The following GBX1 variants were observed in gnomAD, a reference collection of about 807,000 sequenced individuals.
GBX1 encodes gastrulation brain homeobox 1.
A neutral mutation model predicts 22.9 loss-of-function variants in GBX1; 9 were observed. That is an observed-to-expected ratio of 0.39 (90% CI 0.24 to 0.69). The LOEUF (loss-of-function observed/expected upper bound fraction) is 0.69, where lower values mean the gene tolerates loss of function less well. Ranked by LOEUF, GBX1 falls within the 30% of genes least tolerant of loss-of-function variation. The pLI, the probability that GBX1 is intolerant of heterozygous loss-of-function variation, is 0.43. For missense variants in GBX1, 494 were observed against 509.2 expected (o/e 0.97, Z 0.29); for synonymous variants, 203 against 227.3 (o/e 0.89, Z 0.96).
intron 1 of GBX1, among the ~76,000 whole-genome samples, chr7:151,161,357 G>A (rs1801186487): frequency 6.6e-6 from 1 of 152,192 alleles, no homozygotes; most frequent in Admixed American, 6.5e-5. Context: ...AACCCCTGAA[G>A]GGTTACTTTC....
chr7:151,151,838 C>T (rs1563547525), intron 1 of GBX1, among the ~76,000 whole-genome samples: 1 of 152,190 alleles, frequency 6.6e-6, no homozygotes, highest in Admixed American at 6.5e-5. Context: ...TCCACCTGGC[C>T]CATGATTCCT....
At position 151,148,294 on chromosome 7, in the gene GBX1, C is replaced by T. The variant is rs1801036655; in HGVS notation, c.*295G>A. Among the ~76,000 whole-genome samples, 1 of 152,166 alleles carries T rather than the reference C, an allele frequency of 6.6e-6. No homozygotes were observed. The highest frequency in any genetic ancestry group is 2.4e-5 in the African/African-American group (1 of 41,424). On this transcript the variant is annotated 3_prime_UTR_variant, in exon 2 of 2. Coordinates refer to ENST00000297537, the MANE Select transcript of GBX1 (RefSeq NM_001098834.3). This position sits in a 1 kb window ranked among gnomAD's most constrained non-coding sequence, Gnocchi z 5.1. ...CAGGCCTTAGGCATCTTAGAACCCA[C>T]CCCCTCCCCAGGAGTCCACCTCAGT...
intron 1 of GBX1, among the ~76,000 whole-genome samples, chr7:151,160,175 C>T (rs1021535739): frequency 6.6e-6 from 1 of 152,086 alleles, no homozygotes; most frequent in Non-Finnish European, 1.5e-5. Context: ...TAATTCAAGC[C>T]CCTAATTTTA....
At chr7:151,149,946 C>T (rs1466423281) in intron 1 of GBX1, 2 of 456,040 alleles carry the variant, frequency 4.4e-6, no homozygotes, top group Non-Finnish European at 8.8e-6. Flanking sequence ...CCAAGGATGC[C>T]TGAGCAGCAC....
intron 1 of GBX1, among the ~76,000 whole-genome samples, chr7:151,156,133 T>C (rs146049706): frequency 0.011 from 1,617 of 152,108 alleles, 15 homozygotes; most frequent in Middle Eastern, 0.024. Context: ...CCTGTAATCC[T>C]AGCACTTTGG....
chr7:151,160,725 C>T (rs553762752), intron 1 of GBX1, among the ~76,000 whole-genome samples: 1 of 152,356 alleles, frequency 6.6e-6, no homozygotes, highest in East Asian at 1.9e-4. Flanking sequence ...ATCACCCTTT[C>T]TCTCAATTAG....
intron 1 of GBX1, among the ~76,000 whole-genome samples, chr7:151,160,523 ACCCTCATCTGAGTT>A (rs1461117506): frequency 6.6e-6 from 1 of 152,156 alleles, no homozygotes; most frequent in Admixed American, 6.6e-5. Context: ...TTTGCTTATA[ACCCTCATCTGAGTT>A]CCTATAGCCC....
At chr7:151,163,684 G>T (rs1801211542) in intron 1 of GBX1, among the ~76,000 whole-genome samples, 1 of 151,878 alleles carries the variant, frequency 6.6e-6, no homozygotes. Flanking sequence ...TTTTAATGTG[G>T]CTAATAAAAA....
rs541723003 is a variant in GBX1 at position 151,164,603 on chromosome 7, T to C, written c.538+2408A>G. On this transcript the variant is annotated intron_variant, in intron 1 of 1. Transcript: ENST00000297537. ...TTCTTCTGAAGTCTCTCCTCCTTAC[T>C]ACTGTGTCCCAGCCTCCCCACTATA... Among the ~76,000 whole-genome samples the C allele has an allele frequency of 2.6e-5, 4 of 152,278 alleles. No homozygotes were observed. The East Asian group carries it at 5.8e-4, about 22-fold the overall frequency.
chr7:151,152,018 C>T (rs1432316348), intron 1 of GBX1, among the ~76,000 whole-genome samples: 1 of 152,150 alleles, frequency 6.6e-6, no homozygotes, highest in Non-Finnish European at 1.5e-5. Context: ...GTCCATTTTA[C>T]CAATTTTATT....
chr7:151,149,156 G>A lies in GBX1; in HGVS notation c.539-14C>T, dbSNP rs1801049228. On this transcript the variant is annotated splice_polypyrimidine_tract_variant and intron_variant, in intron 1 of 1. Coordinates refer to ENST00000297537, the MANE Select transcript of GBX1 (RefSeq NM_001098834.3). ...CCTTCCCCTCTGCTGTGAGGAGCAA[G>A]AAGCCAATGGATGGGGAGGGAGAAG... 6.3e-7 allele frequency: 1 copy of A among 1,589,804 alleles called. No individual in the cohort carries two copies. Among genetic ancestry groups the A allele is most frequent in the East Asian group, 2.2e-5 (1 of 44,648 alleles).
chr7:151,167,323 G>T lies in GBX1; in HGVS notation c.226C>A (p.Leu76Ile). The T allele has an allele frequency of 6.6e-7, 1 of 1,520,620 alleles. No homozygotes were observed. The highest frequency in any genetic ancestry group is 1.3e-5 in the South Asian group (1 of 79,876). The allele number at this position is 1,520,620 out of a possible 1,614,324, so 94.2% of individuals were successfully genotyped here. A position where few individuals can be genotyped will look rare whatever the true frequency, so the allele number is the denominator to read the frequency against. Residue 76 changes from leucine (L) to isoleucine (I), a missense_variant, in exon 1 of 2, where the codon CTA (leucine) becomes ATA (isoleucine). By Grantham distance (5) the Leu-to-Ile change is conservative. This residue lies in a region of GBX1 where 365 missense variants were observed against 340.4 expected (regional missense o/e 1.07). Coordinates refer to ENST00000297537, the MANE Select transcript of GBX1 (RefSeq NM_001098834.3). The surrounding 1 kb of genome is among the most constrained non-coding windows in gnomAD (Gnocchi z 5.9). The stretch of plus-strand genomic sequence containing the variant: ...GTAAGGCGGCCGGCGAAAGAGGCTA[G>T]CGGGGCGAGGGGCGGGAGGCCAGCG... Reference protein sequence around the residue: ...LPAGLPPLAPLASFAGRLTNT... With the variant: ...LPAGLPPLAPIASFAGRLTNT...
chr7:151,150,035 GGGA>G (rs1563546451), intron 1 of GBX1: 35 of 423,868 alleles, frequency 8.3e-5, no homozygotes, highest in Admixed American at 1.9e-4. Context: ...GAAGGAATAT[GGGA>G]GGAGGAGGAG....
Position 151,149,019 on chromosome 7 carries a change from C to G in GBX1, c.662G>C (p.Ser221Thr), listed in dbSNP as rs1801047128. 6.2e-7 allele frequency: 1 copy of G among 1,614,032 alleles called. No individual in the cohort carries two copies. The part of the protein sequence containing the change: ...GDSEDDGFLD[S>T]SAGGPGALLG... ...AAGAGCCCCTGGGCCCCCTGCAGAACTGTCCAGGAAACCGTCATCCTCGCT... is the reference window on the plus strand; with the variant it reads ...AAGAGCCCCTGGGCCCCCTGCAGAAGTGTCCAGGAAACCGTCATCCTCGCT... Residue 221 changes from serine to threonine, a missense_variant, in exon 2 of 2, where the codon AGT becomes ACT. Physicochemically the swap from Ser to Thr is moderately conservative, Grantham distance 58. Transcript: ENST00000297537.
intron 1 of GBX1, among the ~76,000 whole-genome samples, chr7:151,150,341 C>A (rs749557391): frequency 6.6e-5 from 10 of 152,138 alleles, no homozygotes; most frequent in Non-Finnish European, 1.2e-4. Context: ...GGCAGGAGAA[C>A]AAGAGAAAAT....
chr7:151,165,781 C>T (rs1351707394), intron 1 of GBX1, among the ~76,000 whole-genome samples: 1 of 152,204 alleles, frequency 6.6e-6, no homozygotes, highest in Non-Finnish European at 1.5e-5. Flanking sequence ...CCATGGCAGC[C>T]TTTGGGGTCT....
chr7:151,167,661 G>T lies in GBX1; in HGVS notation c.-113C>A. 1 of 1,090,978 alleles carries T rather than the reference G, an allele frequency of 9.2e-7. No homozygotes were observed. The highest frequency in any genetic ancestry group is 1.1e-6 in the Non-Finnish European group (1 of 889,900). 67.6% of individuals were successfully genotyped at this position (1,090,978 alleles called of 1,614,324 possible). A position where few individuals can be genotyped will look rare whatever the true frequency, so the allele number is the denominator to read the frequency against. The stretch of plus-strand genomic sequence containing the variant: ...GGGCTCGCTCCCTGGCTCCCGGGCC[G>T]AGGTGGCGGCGGGGCGCGGGCTCGG... On this transcript the variant is annotated 5_prime_UTR_variant, in exon 1 of 2. Transcript: ENST00000297537. This position sits in a 1 kb window ranked among gnomAD's most constrained non-coding sequence, Gnocchi z 5.9.
intron 1 of GBX1, among the ~76,000 whole-genome samples, chr7:151,165,017 A>C (rs1801234291): frequency 6.6e-6 from 1 of 151,258 alleles, no homozygotes; most frequent in Non-Finnish European, 1.5e-5. Context: ...ACACACACTC[A>C]CTCACACTTG....
chr7:151,161,299 A>T (rs1801185945), intron 1 of GBX1, among the ~76,000 whole-genome samples: 1 of 152,088 alleles, frequency 6.6e-6, no homozygotes, highest in African/African-American at 2.4e-5. Flanking sequence ...TCTATTATAT[A>T]TATCTCCATA....
Sources: gnomAD v4.1 joint callset for allele counts (sites outside exome capture counted in the v4.1 genomes callset) on GRCh38, gnomAD v4.1.1 for gene constraint, gnomAD v4.1.1 regional missense constraint, Gnocchi (gnomAD v3.1) non-coding constraint, MANE v1.5 for transcripts, NCBI Gene and HGNC (gene_info 2026-07-23, HGNC 2026-07-21) for gene names.